Variants in MRTFB observed in about 807,000 individuals in gnomAD.
MRTFB encodes myocardin-related transcription factor B.
In MRTFB, 29 loss-of-function variants were observed where a neutral mutation model predicts 104.2. The ratio of observed to expected loss-of-function variants is 0.28; its 90% CI spans 0.21 to 0.38. The LOEUF (loss-of-function observed/expected upper bound fraction) is 0.38. Ranked by LOEUF, MRTFB falls within the 10% of genes least tolerant of loss-of-function variation. The probability of loss-of-function intolerance (pLI) is 1.00; values close to 1 mark genes in which losing one functional copy is unlikely to be tolerated. For missense variants in MRTFB, 1,270 were observed against 1,341.6 expected (o/e 0.95, Z 0.83); for synonymous variants, 535 against 519.5 (o/e 1.03, Z -0.41).
chr16:14,245,782 A>C (rs1389062172), intron 11 of MRTFB, 122 bp downstream of exon 11: 1 of 1,082,584 alleles, frequency 9.2e-7, no homozygotes, highest in African/African-American at 1.6e-5. Flanking sequence ...CAACAATATG[A>C]TAATCTTTAT....
the MRTFB span, among the ~76,000 whole-genome samples, chr16:14,032,492 C>T: frequency 2.6e-5 from 4 of 152,184 alleles, no homozygotes; most frequent in South Asian, 2.1e-4. Context: ...AAACCAGAAA[C>T]GTACATAAAT....
chr16:14,136,180 A>G (rs1348297948), intron 2 of MRTFB, among the ~76,000 whole-genome samples: 2 of 152,024 alleles, frequency 1.3e-5, no homozygotes, highest in Non-Finnish European at 2.9e-5. Flanking sequence ...AGGCTGAGGC[A>G]CTAGAATCAC....
intron 8 of MRTFB, among the ~76,000 whole-genome samples, chr16:14,230,224 G>A (rs915603487): frequency 3.3e-4 from 50 of 152,194 alleles, no homozygotes; most frequent in African/African-American, 9.4e-4. Context: ...AGGCATGGGC[G>A]AGGACTTCAT....
chr16:14,252,240 A>C (rs969002729), intron 14 of MRTFB, 125 bp from the exon 15 acceptor site: 1 of 1,436,672 alleles, frequency 7.0e-7, no homozygotes, highest in Non-Finnish European at 9.4e-7. Context: ...ACAGGTGCTT[A>C]AAAGAACCTG....
intron 2 of MRTFB, among the ~76,000 whole-genome samples, chr16:14,127,925 A>T (rs1469857718): frequency 3.1e-3 from 118 of 38,302 alleles, no homozygotes; most frequent in African/African-American, 0.023. Flanking sequence ...ATATATATAT[A>T]TATATTTTTT....
At chr16:14,233,678 T>C (rs370178956) in intron 8 of MRTFB, among the ~76,000 whole-genome samples, 2 of 148,870 alleles carry the variant, frequency 1.3e-5, no homozygotes, top group African/African-American at 5.0e-5. Context: ...TAGTTCCAGA[T>C]ACTTGGGAGG....
At chr16:14,200,479 A>G in intron 3 of MRTFB, 9 of 1,610,656 alleles carry the variant, frequency 5.6e-6, no homozygotes, top group Non-Finnish European at 7.6e-6. Flanking sequence ...TTTTCCACTT[A>G]TTCTTTCGAG....
At chr16:14,251,293 C>T (rs1047965854) in intron 13 of MRTFB, among the ~76,000 whole-genome samples, 23 of 144,336 alleles carry the variant, frequency 1.6e-4, no homozygotes, top group Non-Finnish European at 3.0e-4. Context: ...AGGAGAATGG[C>T]GTGAACCTGG....
chr16:14,101,879 A>G (rs997038124), intron 2 of MRTFB, among the ~76,000 whole-genome samples: 7 of 152,190 alleles, frequency 4.6e-5, no homozygotes, highest in Non-Finnish European at 7.3e-5. Context: ...AAATAAGTGG[A>G]GTGAAACCAG....
chr16:14,134,989 C>A (rs1324277139), intron 2 of MRTFB, among the ~76,000 whole-genome samples: 1 of 152,184 alleles, frequency 6.6e-6, no homozygotes, highest in Non-Finnish European at 1.5e-5. Flanking sequence ...TTCTTCCCAT[C>A]TCTTCTTTTC....
chr16:14,042,737 C>G, the MRTFB span, among the ~76,000 whole-genome samples: 1 of 152,088 alleles, frequency 6.6e-6, no homozygotes, highest in African/African-American at 2.4e-5. Flanking sequence ...GAATTCCTGC[C>G]TGTTACGTTT....
the MRTFB span, among the ~76,000 whole-genome samples, chr16:14,041,526 A>G: frequency 2.6e-4 from 39 of 152,292 alleles, no homozygotes; most frequent in African/African-American, 8.7e-4. Flanking sequence ...AACATCCATC[A>G]TATGTATCTA....
rs2043846141 is a variant in MRTFB at position 14,263,534 on chromosome 16, C to G, written c.*2090C>G. On this transcript the variant is annotated 3_prime_UTR_variant, in exon 17 of 17. Transcript: ENST00000571589. ...ATATCAGTGGGACTGTAGAAGGTAA[C>G]CGAACACTAGTACCATTGACTCTCG... 1 of 152,134 alleles carries G rather than the reference C, an allele frequency of 6.6e-6. No homozygotes were observed. Among genetic ancestry groups the G allele is most frequent in the Non-Finnish European group, 1.5e-5 (1 of 68,028 alleles). 9.4% of individuals were successfully genotyped at this position (152,134 alleles called of 1,614,324 possible).
At chr16:14,127,790 G>A (rs1000889002) in intron 2 of MRTFB, among the ~76,000 whole-genome samples, 1 of 149,624 alleles carries the variant, frequency 6.7e-6, no homozygotes, top group African/African-American at 2.4e-5. Flanking sequence ...TAGCAAAAGT[G>A]AATATATATA....
At chr16:14,149,474 T>G (rs2038505065) in intron 3 of MRTFB, 2 of 152,222 alleles carry the variant, frequency 1.3e-5, no homozygotes. Context: ...ACAGAAGCCT[T>G]GATCCTGACA....
intron 3 of MRTFB, among the ~76,000 whole-genome samples, chr16:14,146,643 A>G (rs1271505218): frequency 6.6e-6 from 1 of 152,228 alleles, no homozygotes; most frequent in African/African-American, 2.4e-5. Flanking sequence ...CAGCCAAAGA[A>G]AGCTGCTTGC....
At chr16:14,069,247 A>T (rs1356424907), upstream of MRTFB, among the ~76,000 whole-genome samples, 1 of 152,176 alleles carries the variant, frequency 6.6e-6, no homozygotes, top group Non-Finnish European at 1.5e-5. Context: ...CTGGGATTAC[A>T]GGCATGAGCC....
chr16:14,067,400 T>C (rs557074427), upstream of MRTFB, among the ~76,000 whole-genome samples: 1 of 152,044 alleles, frequency 6.6e-6, no homozygotes, highest in South Asian at 2.1e-4. Flanking sequence ...TTTTTGTAAT[T>C]TTAGTAGAGA....
the MRTFB span, among the ~76,000 whole-genome samples, chr16:14,056,722 T>C: frequency 0.027 from 4,036 of 152,294 alleles, 73 homozygotes; most frequent in Non-Finnish European, 0.038. Flanking sequence ...TGAGAATATA[T>C]TATGTATACC....
Sources: gnomAD v4.1 joint callset for allele counts (sites outside exome capture counted in the v4.1 genomes callset) on GRCh38, gnomAD v4.1.1 for gene constraint, MANE v1.5 for transcripts, NCBI Gene and HGNC (gene_info 2026-07-23, HGNC 2026-07-21) for gene names.